Variants in RBFOX1 observed in about 807,000 individuals in gnomAD.
RBFOX1 encodes RNA binding protein fox-1 homolog 1.
A neutral mutation model predicts 57.7 loss-of-function variants in RBFOX1; 8 were observed. The ratio of observed to expected loss-of-function variants is 0.14; its 90% CI spans 0.08 to 0.25. The LOEUF is 0.25. Among genes scored for constraint, RBFOX1 ranks in the 10% least tolerant of loss-of-function variants. The pLI is 1.00. For synonymous variants in RBFOX1, 326 were observed against 222.4 expected, an observed-to-expected ratio of 1.47 and a Z score of -4.15; for missense variants, 611 against 548.5, an observed-to-expected ratio of 1.11 and a Z score of -1.14.
At chr16:6,444,272 G>A (rs1339755395) in intron 2 of RBFOX1, among the ~76,000 whole-genome samples, 1 of 152,090 alleles carries the variant, frequency 6.6e-6, no homozygotes, top group Non-Finnish European at 1.5e-5. Context: ...CCGGCACAAT[G>A]CCTGGCACAT....
At chr16:6,779,909 TTATATATTTA>T (rs1246725350) in intron 3 of RBFOX1, among the ~76,000 whole-genome samples, 1,405 of 23,434 alleles carry the variant, frequency 0.06, 339 homozygotes, top group Non-Finnish European at 0.082. Flanking sequence ...TTATATATAT[TTATATATTTA>T]TATATATTTA....
intron 3 of RBFOX1, among the ~76,000 whole-genome samples, chr16:6,821,560 C>G (rs1022592929): frequency 6.6e-6 from 1 of 152,118 alleles, no homozygotes; most frequent in Non-Finnish European, 1.5e-5. Context: ...ATTTCTCTCT[C>G]CCCCCAACCG....
chr16:6,448,156 C>CTTTTTTTTTTTTTTTTTTTTT (rs397969435), intron 2 of RBFOX1, among the ~76,000 whole-genome samples: 5 of 78,458 alleles, frequency 6.4e-5, no homozygotes, highest in African/African-American at 1.1e-4. Flanking sequence ...TCTTTTCTTT[C>CTTTTTTTTTTTTTTTTTTTTT]TTTTTTTTTT....
intron 4 of RBFOX1, among the ~76,000 whole-genome samples, chr16:7,186,994 C>CAAAAAAAAAAAAAAAAAAAAAAAAAAAA (rs35177784): frequency 4.3e-5 from 3 of 69,262 alleles, no homozygotes; most frequent in African/African-American, 1.9e-4. Context: ...CCCACCTCCA[C>CAAAAAAAAAAAAAAAAAAAAAAAAAAAA]AAAAAAAAAA....
intron 2 of RBFOX1, among the ~76,000 whole-genome samples, chr16:6,636,914 A>G (rs1356937252): frequency 3.1e-5 from 4 of 127,070 alleles, no homozygotes; most frequent in African/African-American, 1.3e-4. Flanking sequence ...ATAAACATAT[A>G]TGTATAAATT....
At chr16:6,883,531 T>C (rs1426448785) in intron 3 of RBFOX1, among the ~76,000 whole-genome samples, 1 of 152,214 alleles carries the variant, frequency 6.6e-6, no homozygotes, top group Non-Finnish European at 1.5e-5. Flanking sequence ...AAAGGGATCT[T>C]CCTAAACGGC....
chr16:6,819,407 G>A (rs2090821647), intron 3 of RBFOX1, among the ~76,000 whole-genome samples: 1 of 152,086 alleles, frequency 6.6e-6, no homozygotes, highest in Non-Finnish European at 1.5e-5. Context: ...GTTGCAAAAG[G>A]TCATCTTCAG....
At chr16:5,771,941 AG>A (rs1199549301) in intron 3 of RBFOX1, among the ~76,000 whole-genome samples, 2 of 152,114 alleles carry the variant, frequency 1.3e-5, no homozygotes, top group African/African-American at 2.4e-5. Flanking sequence ...TGGGAGGTCG[AG>A]GGGGGTGGAT....
chr16:6,146,049 C>T (rs1195224436), intron 1 of RBFOX1, among the ~76,000 whole-genome samples: 1 of 152,186 alleles, frequency 6.6e-6, no homozygotes, highest in African/African-American at 2.4e-5. Flanking sequence ...CAGCGTCCAG[C>T]TAATTGGCTT....
chr16:5,977,600 A>G (rs935573457), intron 4 of RBFOX1, among the ~76,000 whole-genome samples: 4 of 152,188 alleles, frequency 2.6e-5, no homozygotes, highest in African/African-American at 9.7e-5. Context: ...TTCTGGGAAC[A>G]ACTGCAAGGC....
At chr16:6,958,881 C>T (rs913606737) in intron 3 of RBFOX1, among the ~76,000 whole-genome samples, 9 of 151,996 alleles carry the variant, frequency 5.9e-5, no homozygotes, top group South Asian at 2.1e-4. Context: ...TTTTTGAGAA[C>T]TGAGAAATGA....
chr16:7,317,775 C>A (rs1008610934), intron 4 of RBFOX1, among the ~76,000 whole-genome samples: 2 of 152,192 alleles, frequency 1.3e-5, no homozygotes, highest in Non-Finnish European at 2.9e-5. Context: ...CCAACTAGCT[C>A]TATGGGCATG....
chr16:5,415,357 A>G (rs954998186), intron 1 of RBFOX1, among the ~76,000 whole-genome samples: 1 of 152,174 alleles, frequency 6.6e-6, no homozygotes, highest in Non-Finnish European at 1.5e-5. Context: ...CGAGAACAGC[A>G]TAGGGAAAAC....
At chr16:6,649,612 A>G (rs187726531) in intron 2 of RBFOX1, among the ~76,000 whole-genome samples, 1 of 152,270 alleles carries the variant, frequency 6.6e-6, no homozygotes, top group East Asian at 1.9e-4. Flanking sequence ...GAGAACATGC[A>G]ATGTTTCGTT....
At chr16:6,156,393 G>C (rs1447900350) in intron 1 of RBFOX1, among the ~76,000 whole-genome samples, 1 of 152,212 alleles carries the variant, frequency 6.6e-6, no homozygotes, top group Admixed American at 6.5e-5. Context: ...ATCGTAAAAT[G>C]CTTTGACCAA....
chr16:6,664,117 A>C (rs541618021), intron 3 of RBFOX1, among the ~76,000 whole-genome samples: 1 of 152,310 alleles, frequency 6.6e-6, no homozygotes. Context: ...GATCATGTTT[A>C]TGTATGACCT....
intron 3 of RBFOX1, among the ~76,000 whole-genome samples, chr16:6,911,744 A>G (rs1382084149): frequency 1.3e-5 from 2 of 152,208 alleles, no homozygotes; most frequent in Non-Finnish European, 2.9e-5. Context: ...TGTTTATTTT[A>G]CCATGCATAC....
chr16:7,242,899 C>T (rs533850188), intron 4 of RBFOX1, among the ~76,000 whole-genome samples: 5 of 152,244 alleles, frequency 3.3e-5, no homozygotes, highest in African/African-American at 7.2e-5. Flanking sequence ...CAGTGCCTCT[C>T]GACATTTTCA....
intron 4 of RBFOX1, among the ~76,000 whole-genome samples, chr16:7,316,963 A>AACAC (rs112548867): frequency 0.022 from 3,221 of 146,972 alleles, 119 homozygotes; most frequent in African/African-American, 0.077. Context: ...AAGAAGACAG[A>AACAC]ACACACACAC....
Sources: allele counts gnomAD v4.1 joint callset (sites outside exome capture counted in the v4.1 genomes callset), GRCh38; gene constraint gnomAD v4.1.1; transcripts MANE v1.5; gene names NCBI Gene and HGNC (gene_info 2026-07-23, HGNC 2026-07-21).